The following MEGF8 variants were observed in gnomAD, a reference collection of about 807,000 sequenced individuals.
The protein encoded by MEGF8 is multiple EGF like domains 8.
MEGF8 carries 156 observed loss-of-function variants against 302.9 expected under a neutral mutation model. The observed-to-expected ratio is 0.52, with a 90% CI of 0.45 to 0.59. MEGF8 has a LOEUF of 0.59. Among genes scored for constraint, MEGF8 ranks in the 20% least tolerant of loss-of-function variants. MEGF8 has a pLI of 0.00. For synonymous variants in MEGF8, 1,621 were observed against 1,660.5 expected (o/e 0.98, Z 0.58); for missense variants, 3,345 against 3,964.5 (o/e 0.84, Z 4.20).
Position 42,368,845 on chromosome 19 carries a change from C to A in MEGF8, c.6484C>A (p.Leu2162Met), listed in dbSNP as rs765365135. ...EGGLSGPRDG[L>M]TCGRPGASWA... Reference sequence around the variant, plus strand: ...AAATGCTATATCCCCGGTGCTAGGGCTGACATGTGGGCGTCCGGGGGCCTC... The same window carrying A: ...AAATGCTATATCCCCGGTGCTAGGGATGACATGTGGGCGTCCGGGGGCCTC... Residue 2162 changes from leucine (L) to methionine (M), a missense_variant and splice_region_variant, in exon 37 of 42, where the codon CTG becomes ATG. Physicochemically the swap from Leu to Met is conservative, Grantham distance 15. Coordinates refer to ENST00000251268, the MANE Select transcript of MEGF8 (RefSeq NM_001271938.2). The surrounding 1 kb of genome is among the most constrained non-coding windows in gnomAD (Gnocchi z 4.9). 1.2e-6 allele frequency: 2 copies of A among 1,613,464 alleles called. No homozygotes were observed.
chr19:42,343,751 GA>G, intron 9 of MEGF8, 120 bp downstream of exon 9: 1 of 1,392,522 alleles, frequency 7.2e-7, no homozygotes, highest in Non-Finnish European at 9.5e-7. Context: ...CTAGGACCAT[GA>G]GAGAAGGGAA....
chr19:42,344,837 G>A lies in MEGF8; in HGVS notation c.2097+4G>A. The A allele has an allele frequency of 6.4e-7, 1 of 1,552,884 alleles. No individual in the cohort carries two copies. The highest frequency in any genetic ancestry group is 8.7e-7 in the Non-Finnish European group (1 of 1,146,904). On this transcript the variant is annotated splice_donor_region_variant and intron_variant, in intron 12 of 41. Coordinates refer to ENST00000251268, the MANE Select transcript of MEGF8 (RefSeq NM_001271938.2). The surrounding 1 kb of genome is among the most constrained non-coding windows in gnomAD (Gnocchi z 4.5). Reference sequence around the variant, plus strand: ...CAATACCTCCCAGCCTGACAAGGTGGGTAGGAGGCGTGGCCCTGGGTGGGG... The same window carrying A: ...CAATACCTCCCAGCCTGACAAGGTGAGTAGGAGGCGTGGCCCTGGGTGGGG...
Position 42,335,859 on chromosome 19 carries a change from ATC to A in MEGF8, c.829-66_829-65del, listed in dbSNP as rs1363964238. The A allele has an allele frequency of 6.6e-6, 9 of 1,357,382 alleles. No homozygotes were observed. The East Asian group carries it at 1.8e-4, about 27-fold the overall frequency. The allele number at this position is 1,357,382 out of a possible 1,614,324, so 84.1% of individuals were successfully genotyped here. A position where few individuals can be genotyped will look rare whatever the true frequency, so the allele number is the denominator to read the frequency against. ...TCTCTCCATGTTTCTCTGGCTCTGCATCTCTCTGTCTAAGCCTGGCTCTGGCT... is the reference window on the plus strand; with the variant it reads ...TCTCTCCATGTTTCTCTGGCTCTGCATCTCTGTCTAAGCCTGGCTCTGGCT... On this transcript the variant is annotated intron_variant, in intron 5 of 41. Coordinates refer to ENST00000251268, the MANE Select transcript of MEGF8 (RefSeq NM_001271938.2).
rs541061019 is a variant in MEGF8 at position 42,376,267 on chromosome 19, A to G, written c.8030A>G (p.Asp2677Gly). ...VLLWKAKQAL[D>G]QRQEQRRHLQ... ...CTCTGGAAGGCCAAGCAGGCTCTGG[A>G]CCAGCGGCAGGAGCAGCGCCGGCAC... Residue 2677 changes from aspartate (D) to glycine (G), a missense_variant, in exon 42 of 42, where the codon GAC becomes GGC. Physicochemically the swap from Asp to Gly is moderately conservative, Grantham distance 94 (BLOSUM62 -1). Transcript: ENST00000251268. The surrounding 1 kb of genome is among the most constrained non-coding windows in gnomAD (Gnocchi z 8.2). 6 of 1,611,634 alleles carry G rather than the reference A, an allele frequency of 3.7e-6. No individual in the cohort carries two copies. Among genetic ancestry groups the G allele is most frequent in the Admixed American group, 3.4e-5 (2 of 59,590 alleles).
intron 1 of MEGF8, among the ~76,000 whole-genome samples, chr19:42,326,739 CTT>C (rs34036568): frequency 1.4e-3 from 170 of 118,052 alleles, no homozygotes; most frequent in Admixed American, 2.5e-3. Flanking sequence ...ACTACTACTA[CTT>C]TTTTTTTTTT....
Position 42,370,298 on chromosome 19 carries a change from C to A in MEGF8, c.6944C>A (p.Ser2315Tyr), listed in dbSNP as rs757636417. 10 of 1,612,958 alleles carry A rather than the reference C, an allele frequency of 6.2e-6. No individual in the cohort carries two copies. The East Asian group carries it at 2.0e-4, about 32-fold the overall frequency. ...FCRGNSHICISRKELQMSKGE... is the reference protein window; with the variant it reads ...FCRGNSHICIYRKELQMSKGE... Reference sequence around the variant, plus strand: ...CGTGGAAATAGCCACATCTGCATCTCCAGGAAGGAGTTACAAATGTCCAAG... The same window carrying A: ...CGTGGAAATAGCCACATCTGCATCTACAGGAAGGAGTTACAAATGTCCAAG... Residue 2315 changes from serine (S) to tyrosine (Y), a missense_variant, in exon 39 of 42, where the codon TCC becomes TAC. Transcript: ENST00000251268.
rs764236532 is a variant in MEGF8, at chr19:42,370,682, A to G, written c.7006-19A>G. On this transcript the variant is annotated intron_variant, in intron 39 of 41. Coordinates refer to ENST00000251268, the MANE Select transcript of MEGF8 (RefSeq NM_001271938.2). ...TTGGTCCAGGCCTTTCTATGATCAC[A>G]CTGTCCTTCCTTGGCCAGATTGAAA... is the stretch of plus-strand genomic sequence containing the variant. 20 of 1,587,892 alleles carry G rather than the reference A, an allele frequency of 1.3e-5. No individual in the cohort carries two copies. The highest frequency in any genetic ancestry group is 1.7e-5 in the Non-Finnish European group (20 of 1,167,182).
rs2039125091 is a variant in MEGF8, at chr19:42,336,165, C to G, written c.1063C>G (p.Pro355Ala). The G allele has an allele frequency of 6.2e-7, 1 of 1,610,864 alleles. No homozygotes were observed. Among genetic ancestry groups the G allele is most frequent in the African/African-American group, 1.3e-5 (1 of 74,938 alleles). Residue 355 changes from proline (P) to alanine (A), a missense_variant, in exon 6 of 42, where the codon CCG becomes GCG. By Grantham distance (27) the Pro-to-Ala change is conservative (BLOSUM62 -1). Coordinates refer to ENST00000251268, the MANE Select transcript of MEGF8 (RefSeq NM_001271938.2). This position sits in a 1 kb window ranked among gnomAD's most constrained non-coding sequence, Gnocchi z 4.8. ...VWLYVSGGRTPHDLFSSGLFR... is the reference protein window; with the variant it reads ...VWLYVSGGRTAHDLFSSGLFR... ...GCTATATGTGTCTGGAGGCCGCACC[C>G]CGCACGACCTCTTCTCCTCTGGCCT...
rs148739946 is a variant in MEGF8, at chr19:42,356,193, C to T, written c.4503C>T (p.Ala1501=). The change falls in exon 25 of 42, where the codon GCC becomes GCT. Residue 1501 remains alanine, a splice_region_variant and synonymous_variant. Transcript: ENST00000251268. This position sits in a 1 kb window ranked among gnomAD's most constrained non-coding sequence, Gnocchi z 5.2. ...CCCTCATGGACAGCCGCCTCTCAGC[C>T]GTGAGTTGTGGGTACCCGCTGTCTA... ...WETLMDSRLS[A]DTASRFLHRL... 78 of 1,522,708 alleles carry T rather than the reference C, an allele frequency of 5.1e-5. No homozygotes were observed. The highest frequency in any genetic ancestry group is 2.1e-5 in the Admixed American group (1 of 48,468). 94.3% of individuals were successfully genotyped at this position (1,522,708 alleles called of 1,614,324 possible).
chr19:42,336,326 A>G lies in MEGF8; in HGVS notation c.1224A>G (p.Gly408=). 2 of 1,601,064 alleles carry G rather than the reference A, an allele frequency of 1.2e-6. No individual in the cohort carries two copies. Among genetic ancestry groups the G allele is most frequent in the Non-Finnish European group, 1.7e-6 (2 of 1,175,266 alleles). The stretch of plus-strand genomic sequence containing the variant: ...CCCGTGCCCTGCTGGTCCATGGTGG[A>G]CACCGGCCCTCCACTGCCCGGTAAG... The part of the protein sequence containing the change: ...APSRALLVHG[G]HRPSTARFSV... The change falls in exon 6 of 42, where the codon GGA becomes GGG. Residue 408 remains glycine (G), a synonymous_variant. Coordinates refer to ENST00000251268, the MANE Select transcript of MEGF8 (RefSeq NM_001271938.2). This position sits in a 1 kb window ranked among gnomAD's most constrained non-coding sequence, Gnocchi z 4.8.
At chr19:42,332,982 G>A (rs1424886606) in intron 1 of MEGF8, among the ~76,000 whole-genome samples, 3 of 152,216 alleles carry the variant, frequency 2.0e-5, no homozygotes, top group South Asian at 2.1e-4. Flanking sequence ...TGGTGGCAGA[G>A]CCAAGACATA....
In MEGF8 at chr19:42,368,367, G is replaced by A; in HGVS notation, c.6274-88G>A. ...GGGGTGAGACCTCAAAGAGGGTGTG[G>A]TCTGGGAAGATACCCAGAATGTGTT... On this transcript the variant is annotated intron_variant, in intron 35 of 41. Transcript: ENST00000251268. This position sits in a 1 kb window ranked among gnomAD's most constrained non-coding sequence, Gnocchi z 4.9. 1.7e-6 allele frequency: 2 copies of A among 1,203,136 alleles called. No homozygotes were observed. The highest frequency in any genetic ancestry group is 2.3e-6 in the Non-Finnish European group (2 of 858,726). 74.5% of individuals were successfully genotyped at this position (1,203,136 alleles called of 1,614,324 possible). A position where few individuals can be genotyped will look rare whatever the true frequency, so the allele number is the denominator to read the frequency against.
In MEGF8 at chr19:42,355,816, G is replaced by C. The variant is rs183527379; in HGVS notation, c.4203G>C (p.Ser1401=). The change falls in exon 24 of 42, where the codon TCG becomes TCC. Residue 1401 remains serine (S), a synonymous_variant. Coordinates refer to ENST00000251268, the MANE Select transcript of MEGF8 (RefSeq NM_001271938.2). ...NGSSSWGFNA[S]VGSARCGSGG... is the part of the protein sequence containing the mutation. ...CCTCATCCTGGGGCTTCAATGCTTC[G>C]GTGGGCTCTGCCCGCTGTGGGTCAG... 1 of 1,574,946 alleles carries C rather than the reference G, an allele frequency of 6.3e-7. No individual in the cohort carries two copies. The highest frequency in any genetic ancestry group is 1.8e-5 in the Admixed American group (1 of 54,058).
At position 42,375,354 on chromosome 19, in the gene MEGF8, G is replaced by A. The variant is rs1002631286; in HGVS notation, c.7270-153G>A. Among the ~76,000 whole-genome samples the A allele has an allele frequency of 3.9e-5, 6 of 152,174 alleles. No individual in the cohort carries two copies. The highest frequency in any genetic ancestry group is 9.7e-5 in the African/African-American group (4 of 41,448). On this transcript the variant is annotated intron_variant, in intron 41 of 41. Coordinates refer to ENST00000251268, the MANE Select transcript of MEGF8 (RefSeq NM_001271938.2). This position sits in a 1 kb window ranked among gnomAD's most constrained non-coding sequence, Gnocchi z 7.1. ...GTCTACACTGTGGCAGAGAAGGTCC[G>A]GGGGGTCACAGGGAAGTGACTGGGG...
At chr19:42,348,661 G>A (rs540897745) in intron 13 of MEGF8, among the ~76,000 whole-genome samples, 189 bp downstream of exon 13, 9 of 152,266 alleles carry the variant, frequency 5.9e-5, no homozygotes, top group South Asian at 2.1e-4. Context: ...GTGCAGTGGC[G>A]CGATCTCGGC....
intron 1 of MEGF8, among the ~76,000 whole-genome samples, chr19:42,332,026 A>G (rs1231386649): frequency 7.4e-6 from 1 of 134,398 alleles, no homozygotes; most frequent in Non-Finnish European, 1.6e-5. Flanking sequence ...TAATTTTTGT[A>G]TTTTTTTTTA....
In MEGF8 at chr19:42,344,851, C is replaced by A; in HGVS notation, c.2097+18C>A. 6.5e-7 allele frequency: 1 copy of A among 1,530,830 alleles called. No homozygotes were observed. The highest frequency in any genetic ancestry group is 2.0e-5 in the Admixed American group (1 of 49,066). 94.8% of individuals were successfully genotyped at this position (1,530,830 alleles called of 1,614,324 possible). Reference sequence around the variant, plus strand: ...CTGACAAGGTGGGTAGGAGGCGTGGCCCTGGGTGGGGTGTTGATGATCCTG... The same window carrying A: ...CTGACAAGGTGGGTAGGAGGCGTGGACCTGGGTGGGGTGTTGATGATCCTG... On this transcript the variant is annotated intron_variant, in intron 12 of 41. Transcript: ENST00000251268. This position sits in a 1 kb window ranked among gnomAD's most constrained non-coding sequence, Gnocchi z 4.5.
Position 42,365,772 on chromosome 19 carries a change from TAAA to T in MEGF8, c.6273+2534_6273+2536del, listed in dbSNP as rs771190592. On this transcript the variant is annotated intron_variant, in intron 35 of 41. Coordinates refer to ENST00000251268, the MANE Select transcript of MEGF8 (RefSeq NM_001271938.2). ...GGGTGACAGAGCGAGACCCCGTCTCTAAAAAAAAAAAAAAAAAAAAAAAAAATT... is the reference window on the plus strand; with the variant it reads ...GGGTGACAGAGCGAGACCCCGTCTCTAAAAAAAAAAAAAAAAAAAAAAATT... Among the ~76,000 whole-genome samples the T allele has an allele frequency of 9.7e-3, 561 of 57,622 alleles. 10 individuals carry two copies. Among genetic ancestry groups the T allele is most frequent in the African/African-American group, 0.032 (510 of 15,890 alleles). 37.8% of individuals were successfully genotyped at this position (57,622 alleles called of 152,430 possible).
Position 42,339,439 on chromosome 19 carries a change from G to A in MEGF8, c.1513+2233G>A, listed in dbSNP as rs151113774. Among the ~76,000 whole-genome samples, 3 of 152,198 alleles carry A rather than the reference G, an allele frequency of 2.0e-5. No homozygotes were observed. The East Asian group carries it at 5.8e-4, about 29-fold the overall frequency. On this transcript the variant is annotated intron_variant, in intron 8 of 41. Coordinates refer to ENST00000251268, the MANE Select transcript of MEGF8 (RefSeq NM_001271938.2). Reference sequence around the variant, plus strand: ...TGGTGTGAGATGGTATCTCATTGTGGTTTTGATTTGCATTTCTCTCATGAT... The same window carrying A: ...TGGTGTGAGATGGTATCTCATTGTGATTTTGATTTGCATTTCTCTCATGAT...
Sources: allele counts gnomAD v4.1 joint callset (sites outside exome capture counted in the v4.1 genomes callset), GRCh38; gene constraint gnomAD v4.1.1; non-coding constraint Gnocchi (gnomAD v3.1); transcripts MANE v1.5; gene names NCBI Gene and HGNC (gene_info 2026-07-23, HGNC 2026-07-21).